SLC25A21: variants seen among roughly 807,000 people sequenced by gnomAD.
SLC25A21 encodes the protein solute carrier family 25 member 21.
SLC25A21 carries 47 observed loss-of-function variants against 43.8 expected under a neutral mutation model. The ratio of observed to expected loss-of-function variants is 1.07; its 90% CI spans 0.85 to 1.37. SLC25A21 has a LOEUF of 1.37. Ranked by LOEUF, SLC25A21 falls within the 40% of genes most tolerant of loss-of-function variation. The pLI, the probability that SLC25A21 is intolerant of heterozygous loss-of-function variation, is 0.00. For missense variants in SLC25A21, 352 were observed against 350.2 expected (o/e 1.00, Z -0.04); for synonymous variants, 131 against 121.3 (o/e 1.08, Z -0.52).
At chr14:36,922,053 C>T (rs1447365153) in intron 1 of SLC25A21, among the ~76,000 whole-genome samples, 1 of 151,332 alleles carries the variant, frequency 6.6e-6, no homozygotes, top group East Asian at 2.0e-4. Context: ...GCAGGAGAAT[C>T]GCTTGAACTC....
chr14:36,942,362 A>G (rs1788252532), intron 1 of SLC25A21, among the ~76,000 whole-genome samples: 1 of 152,204 alleles, frequency 6.6e-6, no homozygotes, highest in African/African-American at 2.4e-5. Context: ...GCTTCGCTGA[A>G]CTATCTTGGG....
chr14:37,165,763 T>C (rs1046982902), intron 1 of SLC25A21, among the ~76,000 whole-genome samples: 4 of 152,084 alleles, frequency 2.6e-5, no homozygotes, highest in African/African-American at 9.7e-5. Flanking sequence ...CTGGGGAGAA[T>C]GACCATCTGA....
At chr14:36,699,490 G>T (rs1274964346) in intron 7 of SLC25A21, among the ~76,000 whole-genome samples, 3 of 152,200 alleles carry the variant, frequency 2.0e-5, no homozygotes, top group Non-Finnish European at 2.9e-5. Flanking sequence ...AGAGCTGTCA[G>T]ACAGGGACAT....
intron 1 of SLC25A21, among the ~76,000 whole-genome samples, chr14:37,074,400 C>A (rs1001021811): frequency 2.6e-5 from 4 of 152,292 alleles, no homozygotes; most frequent in South Asian, 4.1e-4. Context: ...TCTTCATTTG[C>A]CTCTCCAAAT....
intron 1 of SLC25A21, among the ~76,000 whole-genome samples, chr14:36,907,487 C>G (rs145022437): frequency 2.0e-5 from 3 of 152,128 alleles, no homozygotes; most frequent in Non-Finnish European, 1.5e-5. Flanking sequence ...CCGACACAAA[C>G]GAGTGCTACC....
intron 3 of SLC25A21, among the ~76,000 whole-genome samples, chr14:36,735,787 C>A (rs1594536664): frequency 6.6e-6 from 1 of 150,398 alleles, no homozygotes; most frequent in East Asian, 2.0e-4. Context: ...GGCAGCGCAC[C>A]CTTTGGGGTT....
At chr14:36,882,361 C>T (rs531577032) in intron 1 of SLC25A21, among the ~76,000 whole-genome samples, 10 of 152,150 alleles carry the variant, frequency 6.6e-5, no homozygotes, top group African/African-American at 1.7e-4. Flanking sequence ...CTAGCCTGGG[C>T]GACAGAGGGA....
intron 1 of SLC25A21, among the ~76,000 whole-genome samples, chr14:36,883,848 A>C (rs1296219960): frequency 6.6e-6 from 1 of 152,128 alleles, no homozygotes; most frequent in African/African-American, 2.4e-5. Flanking sequence ...TTTAATGACA[A>C]ATAATAATTT....
intron 1 of SLC25A21, among the ~76,000 whole-genome samples, chr14:37,050,091 T>C (rs1434716003): frequency 6.6e-6 from 1 of 152,246 alleles, no homozygotes. Context: ...TCATATGAAG[T>C]AATAAAGGCA....
intron 7 of SLC25A21, among the ~76,000 whole-genome samples, chr14:36,703,992 C>T (rs1011501158): frequency 1.3e-5 from 2 of 152,172 alleles, no homozygotes; most frequent in African/African-American, 4.8e-5. Context: ...ATTCCATTTA[C>T]TACAAGATGT....
At chr14:36,732,057 C>G (rs1884847595) in intron 4 of SLC25A21, among the ~76,000 whole-genome samples, 1 of 152,156 alleles carries the variant, frequency 6.6e-6, no homozygotes, top group Non-Finnish European at 1.5e-5. Flanking sequence ...TCATACTGGT[C>G]CCTGTTACTC....
At chr14:36,755,011 T>G (rs139786246) in intron 3 of SLC25A21, among the ~76,000 whole-genome samples, 155 of 152,118 alleles carry the variant, frequency 1.0e-3, no homozygotes, top group African/African-American at 3.3e-3. Context: ...GCTCAGAAAA[T>G]AGTAGAGGAA....
chr14:37,062,788 G>T (rs1956423), intron 1 of SLC25A21, among the ~76,000 whole-genome samples: 3 of 152,058 alleles, frequency 2.0e-5, no homozygotes, highest in Admixed American at 6.5e-5. Context: ...TTGATAAGTG[G>T]GCTGGTGTAA....
intron 1 of SLC25A21, among the ~76,000 whole-genome samples, chr14:36,958,678 T>TGCGC (rs147541950): frequency 0.15 from 15,957 of 107,628 alleles, 934 homozygotes; most frequent in East Asian, 0.3. Flanking sequence ...TAAGCACACG[T>TGCGC]GCACACACAC....
chr14:37,030,169 TAAGA>T (rs1008003615), intron 1 of SLC25A21, among the ~76,000 whole-genome samples: 24 of 152,176 alleles, frequency 1.6e-4, no homozygotes, highest in African/African-American at 5.5e-4. Flanking sequence ...AGGAAAATCA[TAAGA>T]AAGAGAAAAT....
chr14:37,168,248 T>C (rs534211506), intron 1 of SLC25A21, among the ~76,000 whole-genome samples: 2 of 152,218 alleles, frequency 1.3e-5, no homozygotes, highest in Admixed American at 6.5e-5. Context: ...GCTCTCATCA[T>C]TGGTTTCTCT....
chr14:36,939,675 G>A (rs1488906988), intron 1 of SLC25A21, among the ~76,000 whole-genome samples: 3 of 151,892 alleles, frequency 2.0e-5, no homozygotes, highest in Non-Finnish European at 4.4e-5. Context: ...TTATTTGAGG[G>A]AAATGTATTT....
chr14:36,794,451 AG>A (rs1000991745), intron 3 of SLC25A21, among the ~76,000 whole-genome samples: 2 of 152,164 alleles, frequency 1.3e-5, no homozygotes, highest in Non-Finnish European at 2.9e-5. Context: ...TTTATTGTAC[AG>A]CTGCTTATTG....
chr14:37,134,250 A>G lies in SLC25A21; in HGVS notation c.70+38031T>C, dbSNP rs1963439715. Among the ~76,000 whole-genome samples the G allele has an allele frequency of 2.6e-5, 4 of 152,202 alleles. No homozygotes were observed. The South Asian group carries it at 8.3e-4, about 31-fold the overall frequency. On this transcript the variant is annotated intron_variant, in intron 1 of 9. Transcript: ENST00000331299. Reference sequence around the variant, plus strand: ...AGGTTGATGGTTCATGAATAGTACTAGAGAAATTAGGAACATTTATTCCCT... The same window carrying G: ...AGGTTGATGGTTCATGAATAGTACTGGAGAAATTAGGAACATTTATTCCCT...
Sources: gnomAD v4.1 joint callset for allele counts (sites outside exome capture counted in the v4.1 genomes callset) on GRCh38, gnomAD v4.1.1 for gene constraint, MANE v1.5 for transcripts, NCBI Gene and HGNC (gene_info 2026-07-23, HGNC 2026-07-21) for gene names.